ZNF423: variants seen among roughly 807,000 people sequenced by gnomAD.
The protein encoded by ZNF423 is zinc finger protein 423.
A neutral mutation model predicts 95.8 loss-of-function variants in ZNF423; 12 were observed. The observed-to-expected ratio is 0.13, with a 90% CI of 0.08 to 0.20. The LOEUF is 0.20. Ranked by LOEUF, ZNF423 falls within the 10% of genes least tolerant of loss-of-function variation. The pLI is 1.00. For missense variants in ZNF423, 1,316 were observed against 1,737.1 expected (o/e 0.76, Z 4.31); for synonymous variants, 749 against 711.9 (o/e 1.05, Z -0.83).
At chr16:49,709,511 A>C (rs1224002131) in intron 3 of ZNF423, among the ~76,000 whole-genome samples, 1 of 152,064 alleles carries the variant, frequency 6.6e-6, no homozygotes, top group Non-Finnish European at 1.5e-5. Context: ...GCCCTCAACA[A>C]GGGGTGCATC....
At chr16:49,521,181 G>A (rs1968381593) in intron 7 of ZNF423, among the ~76,000 whole-genome samples, 1 of 152,206 alleles carries the variant, frequency 6.6e-6, no homozygotes, top group South Asian at 2.1e-4. Context: ...AAAAACGTCA[G>A]GATGGGAAAC....
chr16:49,653,316 A>G (rs1274943764), intron 3 of ZNF423, among the ~76,000 whole-genome samples: 2 of 151,124 alleles, frequency 1.3e-5, no homozygotes, highest in Non-Finnish European at 3.0e-5. Context: ...ACCACCAAAA[A>G]AAAAAAAAAA....
chr16:49,769,683 C>T (rs1429058236), intron 2 of ZNF423, among the ~76,000 whole-genome samples: 1 of 152,012 alleles, frequency 6.6e-6, no homozygotes. Flanking sequence ...ATCTCCCAAC[C>T]TCACCTCCTT....
intron 1 of ZNF423, among the ~76,000 whole-genome samples, chr16:49,825,036 T>C: frequency 6.6e-6 from 1 of 152,236 alleles, no homozygotes. Flanking sequence ...ATGAAGATTA[T>C]TGTCCTCCTG....
chr16:49,657,032 G>C (rs557837374), intron 3 of ZNF423, among the ~76,000 whole-genome samples: 12 of 152,330 alleles, frequency 7.9e-5, no homozygotes, highest in East Asian at 7.7e-4. Context: ...CAGGGAAAGA[G>C]AGGGAGTGAC....
chr16:49,561,932 C>A (rs1398889303), intron 5 of ZNF423, among the ~76,000 whole-genome samples: 1 of 152,110 alleles, frequency 6.6e-6, no homozygotes, highest in Non-Finnish European at 1.5e-5. Flanking sequence ...ACAATTCAGG[C>A]ACGTGCTCTG....
chr16:49,697,042 G>A (rs1023699709), intron 3 of ZNF423, among the ~76,000 whole-genome samples: 2 of 152,216 alleles, frequency 1.3e-5, no homozygotes, highest in Non-Finnish European at 2.9e-5. Context: ...AGTCCATCGT[G>A]GGGGAGGAGG....
At chr16:49,694,329 G>A (rs951447712) in intron 3 of ZNF423, among the ~76,000 whole-genome samples, 6 of 152,098 alleles carry the variant, frequency 3.9e-5, no homozygotes, top group African/African-American at 1.2e-4. Flanking sequence ...GATGTGTGGC[G>A]GGCTGAATGC....
intron 7 of ZNF423, among the ~76,000 whole-genome samples, chr16:49,517,160 G>A (rs189505581): frequency 9.2e-4 from 140 of 152,250 alleles, no homozygotes; most frequent in African/African-American, 3.3e-3. Context: ...CTTGGCTCCG[G>A]GAATAGGGCT....
At chr16:49,854,914 G>A in intron 1 of ZNF423, 3 of 985,060 alleles carry the variant, frequency 3.0e-6, no homozygotes, top group South Asian at 4.7e-5. Context: ...GGTGTCGAGG[G>A]TGCCGGTGCC....
chr16:49,798,208 T>C (rs1293281640), intron 1 of ZNF423, among the ~76,000 whole-genome samples: 4 of 152,068 alleles, frequency 2.6e-5, no homozygotes, highest in African/African-American at 9.7e-5. Context: ...AGACCCTATC[T>C]GTTAAAAGAA....
chr16:49,643,497 G>A (rs981446757), intron 3 of ZNF423, among the ~76,000 whole-genome samples: 2 of 151,804 alleles, frequency 1.3e-5, no homozygotes, highest in Non-Finnish European at 2.9e-5. Context: ...GAGTCAGGAT[G>A]TGAACCCCCC....
At chr16:49,761,856 T>C (rs1272642890) in intron 2 of ZNF423, among the ~76,000 whole-genome samples, 1 of 152,248 alleles carries the variant, frequency 6.6e-6, no homozygotes. Flanking sequence ...CTCATTCTAT[T>C]GCTCAGGCTG....
intron 3 of ZNF423, among the ~76,000 whole-genome samples, chr16:49,640,151 T>C (rs1025481114): frequency 7.9e-5 from 12 of 151,988 alleles, no homozygotes; most frequent in Non-Finnish European, 1.8e-4. Flanking sequence ...CCTGGCTGAG[T>C]CTTCAGAAGA....
chr16:49,527,469 A>G (rs991139410), intron 5 of ZNF423, among the ~76,000 whole-genome samples: 1 of 152,034 alleles, frequency 6.6e-6, no homozygotes, highest in Non-Finnish European at 1.5e-5. Flanking sequence ...AAGACCCCCC[A>G]ATGCATCCCC....
At chr16:49,691,427 C>G (rs2031776269) in intron 3 of ZNF423, among the ~76,000 whole-genome samples, 1 of 152,196 alleles carries the variant, frequency 6.6e-6, no homozygotes, top group African/African-American at 2.4e-5. Context: ...TCGGTTTCCT[C>G]ATAGGTTAAA....
chr16:49,737,046 G>A (rs950266129), intron 2 of ZNF423, among the ~76,000 whole-genome samples: 7 of 152,046 alleles, frequency 4.6e-5, no homozygotes, highest in African/African-American at 1.7e-4. Context: ...TATGGTGTGA[G>A]CATCTCCTGG....
At chr16:49,754,460 G>C (rs2033688484) in intron 2 of ZNF423, among the ~76,000 whole-genome samples, 1 of 152,178 alleles carries the variant, frequency 6.6e-6, no homozygotes, top group African/African-American at 2.4e-5. Flanking sequence ...AAGCTGCTTT[G>C]GAATGAGATG....
chr16:49,628,105 C>CCCAT (rs1972366593), intron 4 of ZNF423, among the ~76,000 whole-genome samples: 1 of 149,150 alleles, frequency 6.7e-6, no homozygotes, highest in African/African-American at 2.5e-5. Flanking sequence ...CCTCCATCTA[C>CCCAT]CCATCCATCC....
Sources: allele counts gnomAD v4.1 joint callset (sites outside exome capture counted in the v4.1 genomes callset), GRCh38; gene constraint gnomAD v4.1.1; transcripts MANE v1.5; gene names NCBI Gene and HGNC (gene_info 2026-07-23, HGNC 2026-07-21).